The following IQCH variants were observed in gnomAD, a reference collection of about 807,000 sequenced individuals.
IQCH encodes IQ domain-containing protein H.
In IQCH, 98 loss-of-function variants were observed where a neutral mutation model predicts 117.0. The observed-to-expected ratio is 0.84, with a 90% CI of 0.71 to 0.99. IQCH has a LOEUF of 0.99. Ranked by LOEUF, IQCH falls within the 50% of genes least tolerant of loss-of-function variation. IQCH has a pLI of 0.00. For missense variants in IQCH, 1,102 were observed against 1,243.8 expected, an observed-to-expected ratio of 0.89 and a Z score of 1.72; for synonymous variants, 412 against 448.2, an observed-to-expected ratio of 0.92 and a Z score of 1.02.
chr15:67,334,134 A>C (rs928264969), intron 4 of IQCH, among the ~76,000 whole-genome samples: 1 of 152,206 alleles, frequency 6.6e-6, no homozygotes. Context: ...GGAAATAATA[A>C]TGAGAAACTA....
chr15:67,408,054 C>T lies in IQCH; in HGVS notation c.2097+7749C>T, dbSNP rs892775781. On this transcript the variant is annotated intron_variant, in intron 14 of 20. Coordinates refer to ENST00000335894, the MANE Select transcript of IQCH (RefSeq NM_001031715.3). The surrounding 1 kb of genome is among the most constrained non-coding windows in gnomAD (Gnocchi z 4.2). ...CTTGAAAACAGCAGTGAGGCGCTAT[C>T]GCCGCTTCAGCTCCAGGGTTGGCGG... is the stretch of plus-strand genomic sequence containing the variant. The T allele has an allele frequency of 7.9e-5, 12 of 152,238 alleles. No homozygotes were observed. The highest frequency in any genetic ancestry group is 1.9e-4 in the East Asian group (1 of 5,204). The allele number at this position is 152,238 out of a possible 1,614,324, so 9.4% of individuals were successfully genotyped here.
Position 67,466,526 on chromosome 15 carries a change from C to A in IQCH, c.2676+1229C>A, listed in dbSNP as rs1596447258. ...AAGCGGTCTCCTGCCTCTCTGTGAA[C>A]CCCTTTGGGTCCAGTCTGGATTTGA... On this transcript the variant is annotated intron_variant, in intron 17 of 20. Transcript: ENST00000335894. This position sits in a 1 kb window ranked among gnomAD's most constrained non-coding sequence, Gnocchi z 4.4. The A allele has an allele frequency of 6.6e-6, 1 of 152,190 alleles. No homozygotes were observed. The highest frequency in any genetic ancestry group is 1.5e-5 in the Non-Finnish European group (1 of 68,076). The allele number at this position is 152,190 out of a possible 1,614,324, so 9.4% of individuals were successfully genotyped here.
At chr15:67,346,467 C>T (rs1001943274) in intron 6 of IQCH, among the ~76,000 whole-genome samples, 1 of 152,170 alleles carries the variant, frequency 6.6e-6, no homozygotes, top group African/African-American at 2.4e-5. Context: ...ATTCGATTCT[C>T]ATAAGGAGCA....
At chr15:67,380,885 C>A (rs1400699605) in intron 10 of IQCH, among the ~76,000 whole-genome samples, 1 of 152,184 alleles carries the variant, frequency 6.6e-6, no homozygotes, top group Non-Finnish European at 1.5e-5. Flanking sequence ...CCATCCCAGG[C>A]TAGAGCGATG....
intron 6 of IQCH, among the ~76,000 whole-genome samples, chr15:67,345,427 C>T (rs970827811): frequency 9.9e-5 from 15 of 152,120 alleles, no homozygotes; most frequent in African/African-American, 3.4e-4. Context: ...ACAGAAAATT[C>T]GCAATGGAGA....
At position 67,475,678 on chromosome 15, in the gene IQCH, A is replaced by G; in HGVS notation, c.2677-18A>G. 6.2e-7 allele frequency: 1 copy of G among 1,608,528 alleles called. No homozygotes were observed. The highest frequency in any genetic ancestry group is 8.5e-7 in the Non-Finnish European group (1 of 1,177,518). On this transcript the variant is annotated intron_variant, in intron 17 of 20. Coordinates refer to ENST00000335894, the MANE Select transcript of IQCH (RefSeq NM_001031715.3). This position sits in a 1 kb window ranked among gnomAD's most constrained non-coding sequence, Gnocchi z 5.7. ...TTATTTAAATATCTGTTTAATATTC[A>G]GTTGTGCTCCTTTCCAGATGCTGGC...
At chr15:67,323,534 G>C (rs966562509) in intron 4 of IQCH, among the ~76,000 whole-genome samples, 1 of 152,046 alleles carries the variant, frequency 6.6e-6, no homozygotes, top group Non-Finnish European at 1.5e-5. Flanking sequence ...GAGCCACCGT[G>C]CCCAGCCAGG....
At chr15:67,299,347 A>G (rs1468149890) in intron 4 of IQCH, among the ~76,000 whole-genome samples, 3 of 152,174 alleles carry the variant, frequency 2.0e-5, no homozygotes. Flanking sequence ...AATGAATAAG[A>G]TCTAGTATAT....
chr15:67,438,596 C>G (rs544902934), intron 16 of IQCH, among the ~76,000 whole-genome samples: 3 of 152,308 alleles, frequency 2.0e-5, no homozygotes, highest in African/African-American at 7.2e-5. Context: ...AGCCTAAATG[C>G]TCCACTTAAA....
intron 4 of IQCH, among the ~76,000 whole-genome samples, chr15:67,296,580 A>G (rs1966853825): frequency 1.3e-5 from 2 of 152,138 alleles, no homozygotes; most frequent in Admixed American, 1.3e-4. Flanking sequence ...AGGGACCATT[A>G]AGGAGGTCTG....
intron 4 of IQCH, among the ~76,000 whole-genome samples, chr15:67,335,641 A>G (rs1171808989): frequency 1.3e-5 from 2 of 152,200 alleles, no homozygotes; most frequent in Non-Finnish European, 2.9e-5. Context: ...GATAAGGGCA[A>G]GAAACCAATG....
intron 4 of IQCH, chr15:67,306,839 G>A (rs1480620036): frequency 4.6e-6 from 7 of 1,532,924 alleles, no homozygotes; most frequent in Middle Eastern, 1.7e-4. Context: ...GTCCTCAAAG[G>A]TATGTGGAAA....
chr15:67,463,915 T>C lies in IQCH; in HGVS notation c.2506-1212T>C, dbSNP rs2082866367. ...TGGACTGTAGTGGTCTGATCTCGGC[T>C]CACTGAAACCTCTGCCTCCTGGGTT... On this transcript the variant is annotated intron_variant, in intron 16 of 20. Transcript: ENST00000335894. This position sits in a 1 kb window ranked among gnomAD's most constrained non-coding sequence, Gnocchi z 4.0. Among the ~76,000 whole-genome samples the C allele has an allele frequency of 6.6e-6, 1 of 152,216 alleles. No homozygotes were observed. The highest frequency in any genetic ancestry group is 1.5e-5 in the Non-Finnish European group (1 of 68,038).
chr15:67,483,140 GTCACTAAAAATGA>G (rs1448987892), intron 18 of IQCH, among the ~76,000 whole-genome samples: 1 of 152,128 alleles, frequency 6.6e-6, no homozygotes, highest in African/African-American at 2.4e-5. Flanking sequence ...CCAACTAACT[GTCACTAAAAATGA>G]TTATAAAGGC....
At position 67,475,064 on chromosome 15, in the gene IQCH, A is replaced by G. The variant is rs1345240278; in HGVS notation, c.2677-632A>G. On this transcript the variant is annotated intron_variant, in intron 17 of 20. Transcript: ENST00000335894. The surrounding 1 kb of genome is among the most constrained non-coding windows in gnomAD (Gnocchi z 5.7). Reference sequence around the variant, plus strand: ...AGTCTGTGAAGCCGTCACAGGCCAGAGAAGCCTAAGGAGATATGACAGCTA... The same window carrying G: ...AGTCTGTGAAGCCGTCACAGGCCAGGGAAGCCTAAGGAGATATGACAGCTA... Among the ~76,000 whole-genome samples the G allele has an allele frequency of 6.6e-6, 1 of 152,240 alleles. No homozygotes were observed. The highest frequency in any genetic ancestry group is 2.4e-5 in the African/African-American group (1 of 41,474).
At chr15:67,380,888 G>C (rs1391621656) in intron 10 of IQCH, among the ~76,000 whole-genome samples, 1 of 152,224 alleles carries the variant, frequency 6.6e-6, no homozygotes, top group Non-Finnish European at 1.5e-5. Flanking sequence ...TCCCAGGCTA[G>C]AGCGATGAGA....
rs764016018 is a variant in IQCH at position 67,357,337 on chromosome 15, A to T, written c.638-8A>T. The stretch of plus-strand genomic sequence containing the variant: ...GGAAAAGGTAACATGTACTATCTTC[A>T]TCCACAGCCACTTTCACTATACCTC... On this transcript the variant is annotated splice_region_variant and splice_polypyrimidine_tract_variant and intron_variant, in intron 6 of 20. Transcript: ENST00000335894. 18 of 1,589,390 alleles carry T rather than the reference A, an allele frequency of 1.1e-5. No homozygotes were observed. The highest frequency in any genetic ancestry group is 1.5e-5 in the Non-Finnish European group (17 of 1,157,400).
At chr15:67,333,522 A>G (rs1027436428) in intron 4 of IQCH, among the ~76,000 whole-genome samples, 22 of 152,192 alleles carry the variant, frequency 1.4e-4, no homozygotes, top group Non-Finnish European at 2.5e-4. Context: ...GATGTCAGGG[A>G]CGATGGATCA....
At chr15:67,450,572 C>T (rs1202708707) in intron 16 of IQCH, among the ~76,000 whole-genome samples, 3 of 152,106 alleles carry the variant, frequency 2.0e-5, no homozygotes, top group African/African-American at 7.2e-5. Flanking sequence ...AGGGATGAAG[C>T]CCACTTGATC....
Sources: allele counts gnomAD v4.1 joint callset (sites outside exome capture counted in the v4.1 genomes callset), GRCh38; gene constraint gnomAD v4.1.1; non-coding constraint Gnocchi (gnomAD v3.1); transcripts MANE v1.5; gene names NCBI Gene and HGNC (gene_info 2026-07-23, HGNC 2026-07-21).